The following ARK2C variants were observed in gnomAD, a reference collection of about 807,000 sequenced individuals.
ARK2C encodes arkadia (RNF111) C-terminal like ring finger ubiquitin ligase 2C.
chr18:46,409,274 C>G, the ARK2C span, among the ~76,000 whole-genome samples: 2 of 152,178 alleles, frequency 1.3e-5, no homozygotes, highest in Admixed American at 1.3e-4. Flanking sequence ...TTTGCCAGGA[C>G]AGACACTGTC....
At chr18:46,412,469 C>G in the ARK2C span, among the ~76,000 whole-genome samples, 1 of 152,250 alleles carries the variant, frequency 6.6e-6, no homozygotes, top group Non-Finnish European at 1.5e-5. Context: ...CAGAAAGCAG[C>G]CACCCTCCTG....
At chr18:46,407,044 G>C in the ARK2C span, among the ~76,000 whole-genome samples, 2 of 152,124 alleles carry the variant, frequency 1.3e-5, no homozygotes. Context: ...TCTTGAACTC[G>C]ACTTTTGCCT....
the ARK2C span, among the ~76,000 whole-genome samples, chr18:46,359,551 C>T: frequency 1.3e-5 from 2 of 152,150 alleles, no homozygotes; most frequent in Non-Finnish European, 2.9e-5. Context: ...GATAGAGAGC[C>T]AAGAGAATGT....
At chr18:46,450,244 C>T in the ARK2C span, 12 of 1,190,508 alleles carry the variant, frequency 1.0e-5, no homozygotes, top group African/African-American at 1.5e-5. Flanking sequence ...ATGCTGGGCT[C>T]ATGGAGAAAC....
At chr18:46,349,774 C>T in the ARK2C span, among the ~76,000 whole-genome samples, 4 of 152,106 alleles carry the variant, frequency 2.6e-5, no homozygotes, top group East Asian at 3.9e-4. Context: ...TAGTTGGGCA[C>T]CCCTTGCCCA....
chr18:46,444,339 A>AT, the ARK2C span, among the ~76,000 whole-genome samples: 2 of 152,016 alleles, frequency 1.3e-5, no homozygotes, highest in South Asian at 2.1e-4. Context: ...TCCCTAAAAT[A>AT]TTTTTTCTGT....
chr18:46,358,792 G>A, the ARK2C span, among the ~76,000 whole-genome samples: 3 of 152,152 alleles, frequency 2.0e-5, no homozygotes, highest in Non-Finnish European at 4.4e-5. Context: ...AAACCCATGG[G>A]CAGAGTGACA....
the ARK2C span, among the ~76,000 whole-genome samples, chr18:46,405,280 T>C: frequency 6.6e-6 from 1 of 152,082 alleles, no homozygotes; most frequent in Admixed American, 6.5e-5. Context: ...TAGTAGAGTC[T>C]CTGGGAGGTG....
the ARK2C span, among the ~76,000 whole-genome samples, chr18:46,398,740 A>T: frequency 2.0e-5 from 3 of 152,078 alleles, no homozygotes. Flanking sequence ...GGCACCTGTG[A>T]CAGGAGGGGC....
chr18:46,415,442 C>A, the ARK2C span, among the ~76,000 whole-genome samples: 1 of 151,812 alleles, frequency 6.6e-6, no homozygotes, highest in African/African-American at 2.4e-5. Context: ...AGAAGAATGG[C>A]GTGGACCTGG....
chr18:46,418,124 G>A, the ARK2C span, among the ~76,000 whole-genome samples: 3 of 152,084 alleles, frequency 2.0e-5, no homozygotes, highest in African/African-American at 7.2e-5. Flanking sequence ...GAAGGCAGGA[G>A]GGTCACCTGA....
At chr18:46,346,458 G>C in the ARK2C span, among the ~76,000 whole-genome samples, 20 of 152,260 alleles carry the variant, frequency 1.3e-4, no homozygotes, top group Non-Finnish European at 1.5e-4. Context: ...CTCCTCCCAG[G>C]CAGGTTAAGG....
chr18:46,380,806 C>T, the ARK2C span, among the ~76,000 whole-genome samples: 6 of 152,200 alleles, frequency 3.9e-5, no homozygotes, highest in African/African-American at 1.2e-4. Flanking sequence ...CCCCAACCCC[C>T]GGGGCTAGGA....
chr18:46,436,626 TG>T, the ARK2C span, among the ~76,000 whole-genome samples: 1 of 152,212 alleles, frequency 6.6e-6, no homozygotes, highest in Non-Finnish European at 1.5e-5. Flanking sequence ...TCCAGTCAGT[TG>T]AATGCTATGG....
the ARK2C span, among the ~76,000 whole-genome samples, chr18:46,382,764 G>C: frequency 6.6e-6 from 1 of 152,178 alleles, no homozygotes; most frequent in East Asian, 1.9e-4. Context: ...TGAAGAGGCA[G>C]CAGACTGAGG....
At chr18:46,343,869 A>G in the ARK2C span, among the ~76,000 whole-genome samples, 3 of 152,360 alleles carry the variant, frequency 2.0e-5, no homozygotes, top group Admixed American at 1.3e-4. Context: ...CACCCAGGGC[A>G]TGGGCTAAAC....
At chr18:46,376,288 C>T in the ARK2C span, among the ~76,000 whole-genome samples, 1 of 152,234 alleles carries the variant, frequency 6.6e-6, no homozygotes, top group African/African-American at 2.4e-5. Context: ...TCAAGAATCT[C>T]TATGAGGTAA....
chr18:46,362,839 C>T, the ARK2C span, among the ~76,000 whole-genome samples: 1 of 152,156 alleles, frequency 6.6e-6, no homozygotes, highest in Non-Finnish European at 1.5e-5. Context: ...CAAGAGGAAT[C>T]TTAGAGGTGT....
chr18:46,355,760 C>T, the ARK2C span, among the ~76,000 whole-genome samples: 1 of 152,172 alleles, frequency 6.6e-6, no homozygotes, highest in African/African-American at 2.4e-5. Context: ...ATCATGTGCA[C>T]ACATGCCCCC....
Sources: gnomAD v4.1 joint callset for allele counts (sites outside exome capture counted in the v4.1 genomes callset) on GRCh38, gnomAD v4.1.1 for gene constraint, MANE v1.5 for transcripts, NCBI Gene and HGNC (gene_info 2026-07-23, HGNC 2026-07-21) for gene names.